CROCC2: variants seen among roughly 807,000 people sequenced by gnomAD.
CROCC2 encodes the protein ciliary rootlet coiled-coil, rootletin family member 2.
In CROCC2, 163 loss-of-function variants were observed where a neutral mutation model predicts 177.6. That is an observed-to-expected ratio of 0.92 (90% CI 0.81 to 1.05). CROCC2 has a LOEUF of 1.05. Among genes scored for constraint, CROCC2 ranks in the 50% least tolerant of loss-of-function variants. The pLI, the probability that CROCC2 is intolerant of heterozygous loss-of-function variation, is 0.00. For missense variants in CROCC2, 1,929 were observed against 1,797.8 expected, an observed-to-expected ratio of 1.07 and a Z score of -1.32; for synonymous variants, 904 against 787.3, an observed-to-expected ratio of 1.15 and a Z score of -2.48.
rs555939120 is a variant in CROCC2, at chr2:240,955,794, AG to A, written c.2830-59del. On this transcript the variant is annotated intron_variant, in intron 18 of 31. Transcript: ENST00000690015. Reference sequence around the variant, plus strand: ...GCATTCTGCCACAGCCTCTCCTTAGAGGGGGGCCTCTTCCCTCCCCCGAGAC... The same window carrying A: ...GCATTCTGCCACAGCCTCTCCTTAGAGGGGGCCTCTTCCCTCCCCCGAGAC... 397 of 1,120,796 alleles carry A rather than the reference AG, an allele frequency of 3.5e-4. 6 individuals carry two copies. The highest frequency in any genetic ancestry group is 3.3e-3 in the South Asian group (247 of 75,268). 69.4% of individuals were successfully genotyped at this position (1,120,796 alleles called of 1,614,324 possible).
intron 30 of CROCC2, among the ~76,000 whole-genome samples, chr2:240,990,935 G>C (rs2059874935): frequency 6.6e-6 from 1 of 152,248 alleles, no homozygotes; most frequent in African/African-American, 2.4e-5. Context: ...CATCCACCAA[G>C]GGTGCGCGGT....
intron 27 of CROCC2, among the ~76,000 whole-genome samples, chr2:240,975,570 G>A (rs745863140): frequency 2.0e-5 from 3 of 152,150 alleles, no homozygotes; most frequent in Non-Finnish European, 4.4e-5. Flanking sequence ...GTCCTTCTCT[G>A]TGCAGCCGGC....
At chr2:240,986,565 T>TCCCACCC (rs1338517173) in intron 28 of CROCC2, among the ~76,000 whole-genome samples, 4 of 152,320 alleles carry the variant, frequency 2.6e-5, no homozygotes, top group Admixed American at 2.6e-4. Context: ...AGCTCCCACC[T>TCCCACCC]CCAGCGTCCT....
In CROCC2 at chr2:240,982,877, C is replaced by G. The variant is rs144624356; in HGVS notation, c.4402-3C>G. The G allele has an allele frequency of 1.6e-4, 254 of 1,547,148 alleles. No individual in the cohort carries two copies. In the East Asian group the frequency reaches 5.3e-3, roughly 32 times the overall value. On this transcript the variant is annotated splice_region_variant and splice_polypyrimidine_tract_variant and intron_variant, in intron 27 of 31. Transcript: ENST00000690015. The surrounding 1 kb of genome is among the most constrained non-coding windows in gnomAD (Gnocchi z 4.7). ...GGTGGACCCTGTGTCTCCTTCCCCC[C>G]AGGAGCAACTGGAAACGCTGCGCCA...
At position 240,958,132 on chromosome 2, in the gene CROCC2, C is replaced by T. The variant is rs576386100; in HGVS notation, c.2944-1169C>T. 5.1e-5 allele frequency: 50 copies of T among 985,378 alleles called. No individual in the cohort carries two copies. The highest frequency in any genetic ancestry group is 1.6e-4 in the African/African-American group (9 of 57,338). The allele number at this position is 985,378 out of a possible 1,614,324, so 61.0% of individuals were successfully genotyped here. On this transcript the variant is annotated intron_variant, in intron 19 of 31. Coordinates refer to ENST00000690015, the MANE Select transcript of CROCC2 (RefSeq NM_001351305.2). This position sits in a 1 kb window ranked among gnomAD's most constrained non-coding sequence, Gnocchi z 6.7. ...TGGAAATTAAAACTGTTGAGAGGAGCGGGAGGAGAGGAATGCCGGCCAAGG... is the reference window on the plus strand; with the variant it reads ...TGGAAATTAAAACTGTTGAGAGGAGTGGGAGGAGAGGAATGCCGGCCAAGG...
At chr2:240,962,380 T>A (rs2059648990) in intron 20 of CROCC2, among the ~76,000 whole-genome samples, 1 of 152,114 alleles carries the variant, frequency 6.6e-6, no homozygotes, top group Non-Finnish European at 1.5e-5. Context: ...ATGAAAACAG[T>A]TTCTTTTATG....
chr2:240,991,216 A>G lies in CROCC2; in HGVS notation c.4884A>G (p.Gln1628=), dbSNP rs1289896753. The change falls in exon 31 of 32, where the codon CAA becomes CAG. Residue 1628 remains glutamine (Q), a synonymous_variant. Coordinates refer to ENST00000690015, the MANE Select transcript of CROCC2 (RefSeq NM_001351305.2). ...LEEQVASLKE[Q]LDQEVQWRQQ... ...CCCAGGTGGCCAGCCTGAAGGAGCA[A>G]CTGGACCAGGAAGTGCAGTGGCGGC... 7 of 1,546,274 alleles carry G rather than the reference A, an allele frequency of 4.5e-6. No homozygotes were observed. The highest frequency in any genetic ancestry group is 6.1e-6 in the Non-Finnish European group (7 of 1,144,810).
intron 18 of CROCC2, chr2:240,955,619 G>A: frequency 2.0e-6 from 1 of 499,578 alleles, no homozygotes; most frequent in Non-Finnish European, 3.6e-6. Flanking sequence ...ACACAGAGGT[G>A]GGACGATGTC....
intron 28 of CROCC2, chr2:240,983,673 T>G (rs1447240090): frequency 1.6e-6 from 2 of 1,240,918 alleles, no homozygotes; most frequent in Non-Finnish European, 2.1e-6. Context: ...CACGCATGCT[T>G]CTGTGTCCTC....
At chr2:240,985,780 A>ACC in intron 28 of CROCC2, 1 of 317,932 alleles carries the variant, frequency 3.1e-6, no homozygotes, top group Non-Finnish European at 6.1e-6. Flanking sequence ...GGCACTCAGC[A>ACC]CACACCCAGG....
intron 14 of CROCC2, among the ~76,000 whole-genome samples, chr2:240,936,909 G>A (rs1041831552): frequency 6.6e-6 from 1 of 152,236 alleles, no homozygotes; most frequent in Non-Finnish European, 1.5e-5. Context: ...GGCCTGCTGG[G>A]AGGCGACTGA....
At chr2:240,987,366 G>A (rs2059847534) in intron 28 of CROCC2, among the ~76,000 whole-genome samples, 1 of 152,176 alleles carries the variant, frequency 6.6e-6, no homozygotes, top group Non-Finnish European at 1.5e-5. Context: ...ACCCGGATGT[G>A]GCCGTTTATT....
chr2:240,958,231 A>G lies in CROCC2; in HGVS notation c.2944-1070A>G. On this transcript the variant is annotated intron_variant, in intron 19 of 31. Transcript: ENST00000690015. The surrounding 1 kb of genome is among the most constrained non-coding windows in gnomAD (Gnocchi z 6.7). ...ACCACTGCCATCGGGCTCCCAGCCG[A>G]TGCCCTGTCCCTGAGGCCCTCACAG... 1.0e-6 allele frequency: 1 copy of G among 978,786 alleles called. No homozygotes were observed. Among genetic ancestry groups the G allele is most frequent in the African/African-American group, 1.7e-5 (1 of 57,182 alleles). 60.6% of individuals were successfully genotyped at this position (978,786 alleles called of 1,614,324 possible).
intron 19 of CROCC2, chr2:240,957,995 C>A (rs753360962): frequency 2.8e-5 from 28 of 985,410 alleles, no homozygotes; most frequent in Non-Finnish European, 3.4e-5. Context: ...GCTTCTGGAG[C>A]CTTCTCTTGA....
In CROCC2 at chr2:240,934,954, G is replaced by T; in HGVS notation, c.1830G>T (p.Arg610Ser). The part of the protein sequence containing the change: ...CSNADLELLV[R>S]RLKSEGVEQR... Reference sequence around the variant, plus strand: ...ATGCGGACCTGGAGCTTCTTGTGAGGCGGCTGAAGTCGGAGGGAGTGGAGC... The same window carrying T: ...ATGCGGACCTGGAGCTTCTTGTGAGTCGGCTGAAGTCGGAGGGAGTGGAGC... Residue 610 changes from arginine to serine, a missense_variant, in exon 13 of 32, where the codon AGG becomes AGT. Coordinates refer to ENST00000690015, the MANE Select transcript of CROCC2 (RefSeq NM_001351305.2). The T allele has an allele frequency of 6.6e-7, 1 of 1,519,738 alleles. No individual in the cohort carries two copies. Among genetic ancestry groups the T allele is most frequent in the Non-Finnish European group, 8.8e-7 (1 of 1,132,970 alleles). The allele number at this position is 1,519,738 out of a possible 1,614,324, so 94.1% of individuals were successfully genotyped here.
intron 5 of CROCC2, among the ~76,000 whole-genome samples, chr2:240,929,380 A>G (rs1300380792): frequency 2.6e-5 from 4 of 152,126 alleles, no homozygotes; most frequent in Non-Finnish European, 1.5e-5. Context: ...TGAGTTCCAG[A>G]GGTCAGTGAG....
intron 27 of CROCC2, chr2:240,981,643 T>C (rs1390070309): frequency 2.6e-5 from 4 of 152,230 alleles, no homozygotes; most frequent in Admixed American, 6.5e-5. Context: ...TGGAAAATTA[T>C]ATAGAAAATT....
At chr2:240,963,246 C>T in intron 20 of CROCC2, 1 of 424,710 alleles carries the variant, frequency 2.4e-6, no homozygotes. Flanking sequence ...AGCCGCATCC[C>T]AGGTAGGCCT....
At chr2:240,947,282 C>T (rs1311443313) in intron 15 of CROCC2, among the ~76,000 whole-genome samples, 1 of 152,236 alleles carries the variant, frequency 6.6e-6, no homozygotes, top group Admixed American at 6.5e-5. Context: ...ATGCTCCCTC[C>T]TGGGCCCTGG....
Sources: gnomAD v4.1 joint callset for allele counts (sites outside exome capture counted in the v4.1 genomes callset) on GRCh38, gnomAD v4.1.1 for gene constraint, Gnocchi (gnomAD v3.1) non-coding constraint, MANE v1.5 for transcripts, NCBI Gene and HGNC (gene_info 2026-07-23, HGNC 2026-07-21) for gene names.